The following NYAP2 variants were observed in gnomAD, a reference collection of about 807,000 sequenced individuals.
NYAP2 encodes the protein neuronal tyrosine-phosphorylated phosphoinositide-3-kinase adapter 2.
A neutral mutation model predicts 50.4 loss-of-function variants in NYAP2; 23 were observed. The ratio of observed to expected loss-of-function variants is 0.46; its 90% confidence interval spans 0.33 to 0.65. NYAP2 has a LOEUF of 0.65. Ranked by LOEUF, NYAP2 falls within the 30% of genes least tolerant of loss-of-function variation. The pLI, the probability that NYAP2 is intolerant of heterozygous loss-of-function variation, is 0.02. For missense variants in NYAP2, 885 were observed against 861.0 expected (o/e 1.03, Z -0.35); for synonymous variants, 394 against 365.2 (o/e 1.08, Z -0.90).
chr2:225,678,543 T>G, the NYAP2 span, among the ~76,000 whole-genome samples: 1 of 152,178 alleles, frequency 6.6e-6, no homozygotes, highest in Non-Finnish European at 1.5e-5. Flanking sequence ...AATAGCAGTA[T>G]CTTTGAAGAT....
intron 4 of NYAP2, among the ~76,000 whole-genome samples, chr2:225,514,444 A>G (rs1690890965): frequency 6.6e-6 from 1 of 152,212 alleles, no homozygotes; most frequent in Non-Finnish European, 1.5e-5. Flanking sequence ...CATATAAGCA[A>G]CAGCAATTTA....
At chr2:225,487,625 G>C (rs773527507) in intron 3 of NYAP2, among the ~76,000 whole-genome samples, 5 of 152,236 alleles carry the variant, frequency 3.3e-5, no homozygotes, top group Admixed American at 2.6e-4. Flanking sequence ...CTCCCAAAGT[G>C]CTGAGATTAC....
At chr2:225,631,806 C>CTTTGT (rs771338219) in intron 6 of NYAP2, among the ~76,000 whole-genome samples, 20 of 152,088 alleles carry the variant, frequency 1.3e-4, no homozygotes, top group South Asian at 4.2e-4. Context: ...TAGTGTTTTG[C>CTTTGT]TTTGTTTTGT....
chr2:225,563,769 G>A (rs1289627903), intron 4 of NYAP2, among the ~76,000 whole-genome samples: 1 of 152,066 alleles, frequency 6.6e-6, no homozygotes, highest in Non-Finnish European at 1.5e-5. Flanking sequence ...GTTTGAAAAT[G>A]TACTTTCAAA....
At chr2:225,676,672 A>G in the NYAP2 span, among the ~76,000 whole-genome samples, 1 of 152,142 alleles carries the variant, frequency 6.6e-6, no homozygotes, top group Non-Finnish European at 1.5e-5. Flanking sequence ...CAGCACAGGA[A>G]AGGCCTACCC....
At chr2:225,494,493 A>G (rs1272871351) in intron 3 of NYAP2, among the ~76,000 whole-genome samples, 2 of 152,168 alleles carry the variant, frequency 1.3e-5, no homozygotes, top group African/African-American at 4.8e-5. Context: ...TCTCATCCCC[A>G]TTTAGCATTC....
At chr2:225,635,526 CCTGT>C (rs1399744533) in intron 6 of NYAP2, among the ~76,000 whole-genome samples, 4 of 152,128 alleles carry the variant, frequency 2.6e-5, no homozygotes, top group Non-Finnish European at 5.9e-5. Context: ...TGGAAAAATA[CCTGT>C]CTTTTTCTAG....
chr2:225,449,295 A>G (rs748627408), intron 3 of NYAP2, among the ~76,000 whole-genome samples: 20 of 152,200 alleles, frequency 1.3e-4, no homozygotes, highest in Non-Finnish European at 2.2e-4. Context: ...TTCATTCTGA[A>G]GCTCTAATGA....
At chr2:225,398,808 C>A (rs531059030), upstream of NYAP2, among the ~76,000 whole-genome samples, 91 of 152,012 alleles carry the variant, frequency 6.0e-4, no homozygotes, top group Non-Finnish European at 2.9e-4. Flanking sequence ...TACACAAAGA[C>A]CAAGAAATAA....
intron 4 of NYAP2, among the ~76,000 whole-genome samples, chr2:225,540,267 T>C (rs1475138199): frequency 6.6e-6 from 1 of 152,186 alleles, no homozygotes; most frequent in Non-Finnish European, 1.5e-5. Flanking sequence ...ATTGCCCTAC[T>C]CTACTAGAAC....
chr2:225,457,400 T>C (rs180975460), intron 3 of NYAP2, among the ~76,000 whole-genome samples: 1 of 152,202 alleles, frequency 6.6e-6, no homozygotes, highest in African/African-American at 2.4e-5. Flanking sequence ...CATTCCTTTA[T>C]TGATTAAAAA....
intron 3 of NYAP2, among the ~76,000 whole-genome samples, chr2:225,491,760 G>C (rs937607478): frequency 4.6e-5 from 7 of 152,126 alleles, no homozygotes; most frequent in African/African-American, 7.2e-5. Flanking sequence ...TTCCAGATTG[G>C]ATATGATCTC....
chr2:225,691,071 T>G, the NYAP2 span, among the ~76,000 whole-genome samples: 1 of 152,190 alleles, frequency 6.6e-6, no homozygotes, highest in African/African-American at 2.4e-5. Context: ...ATTAAAATTA[T>G]TTTCCCACTT....
intron 5 of NYAP2, among the ~76,000 whole-genome samples, chr2:225,598,122 G>A (rs1426646294): frequency 6.6e-6 from 1 of 152,056 alleles, no homozygotes; most frequent in Non-Finnish European, 1.5e-5. Context: ...ACGCTGGAGG[G>A]CCTTCACATA....
chr2:225,573,135 T>C (rs1692104545), intron 4 of NYAP2, among the ~76,000 whole-genome samples: 1 of 151,928 alleles, frequency 6.6e-6, no homozygotes, highest in Non-Finnish European at 1.5e-5. Context: ...ATTTTTTCAA[T>C]GAGATACCCA....
At chr2:225,667,914 T>C in the NYAP2 span, among the ~76,000 whole-genome samples, 1 of 152,192 alleles carries the variant, frequency 6.6e-6, no homozygotes, top group Non-Finnish European at 1.5e-5. Context: ...TATTTGAACA[T>C]GACTATCCTA....
At position 225,611,901 on chromosome 2, in the gene NYAP2, TACACACACACACACACACACAC is replaced by T. The variant is rs147331159; in HGVS notation, c.1619-14999_1619-14978del. Among the ~76,000 whole-genome samples the T allele has an allele frequency of 4.9e-3, 713 of 145,612 alleles. 7 individuals carry two copies. The highest frequency in any genetic ancestry group is 0.017 in the African/African-American group (677 of 39,246). On this transcript the variant is annotated intron_variant, in intron 5 of 6. Transcript: ENST00000636099. ...ATGTATATATATGTGTGTGTGTGTA[TACACACACACACACACACACAC>T]ACACACACACACACACTTTTCCTCA... is the stretch of plus-strand genomic sequence containing the variant.
intron 2 of NYAP2, among the ~76,000 whole-genome samples, chr2:225,402,554 G>A (rs1694880013): frequency 6.6e-6 from 1 of 152,016 alleles, no homozygotes; most frequent in African/African-American, 2.4e-5. Context: ...AGATGAGGGG[G>A]AGATACCAAT....
At chr2:225,571,773 G>A (rs1692077652) in intron 4 of NYAP2, among the ~76,000 whole-genome samples, 1 of 152,190 alleles carries the variant, frequency 6.6e-6, no homozygotes. Context: ...ATTAACATTT[G>A]GCTCCTTGTT....
Sources: gnomAD v4.1 joint callset for allele counts (sites outside exome capture counted in the v4.1 genomes callset) on GRCh38, gnomAD v4.1.1 for gene constraint, MANE v1.5 for transcripts, NCBI Gene and HGNC (gene_info 2026-07-23, HGNC 2026-07-21) for gene names.